The following SHROOM2 variants were observed in gnomAD, a reference collection of about 807,000 sequenced individuals.
The protein encoded by SHROOM2 is protein Shroom2.
Under a neutral mutation model 75.9 loss-of-function variants are expected in SHROOM2, and 33 were observed. The ratio of observed to expected loss-of-function variants is 0.43; its 90% CI spans 0.33 to 0.58. The LOEUF is 0.58. SHROOM2 is among the 20% of genes least tolerant of loss of function. SHROOM2 has a pLI of 0.04. For synonymous variants in SHROOM2, 655 were observed against 663.6 expected (o/e 0.99, Z 0.20); for missense variants, 1,434 against 1,461.2 (o/e 0.98, Z 0.30).
chrX:9,883,549 G>A (rs886787954), intron 2 of SHROOM2, among the ~76,000 whole-genome samples: 3 of 111,226 alleles, frequency 2.7e-5, no homozygotes, highest in Admixed American at 9.5e-5. Flanking sequence ...TGCTACAGAC[G>A]CTGCCGGCCC....
intron 2 of SHROOM2, among the ~76,000 whole-genome samples, chrX:9,875,107 A>AAAAAAAAAAAAAAAAAAC (rs2084192596): frequency 9.8e-6 from 1 of 101,612 alleles, no homozygotes; most frequent in Non-Finnish European, 2.0e-5. Context: ...AAAAAAAAAA[A>AAAAAAAAAAAAAAAAAAC]AAAGGGGAGG....
intron 1 of SHROOM2, among the ~76,000 whole-genome samples, chrX:9,810,099 T>A (rs968846203): frequency 1.8e-5 from 2 of 112,594 alleles, no homozygotes; most frequent in Non-Finnish European, 3.8e-5. Context: ...GAGGAAATAC[T>A]CATGACAATT....
chrX:9,916,447 T>A (rs2084491513), intron 5 of SHROOM2, among the ~76,000 whole-genome samples: 1 of 112,043 alleles, frequency 8.9e-6, no homozygotes, highest in South Asian at 3.7e-4. Context: ...ATACTTGTGC[T>A]CTTCCATGTT....
intron 2 of SHROOM2, among the ~76,000 whole-genome samples, chrX:9,883,040 T>C (rs1016498476): frequency 1.8e-5 from 2 of 112,080 alleles, no homozygotes; most frequent in African/African-American, 6.5e-5. Flanking sequence ...TTATAGAAAA[T>C]ACATGCAGAG....
rs57536102 is a variant in SHROOM2, at chrX:9,792,161, A to C, written c.165+5451A>C. Reference sequence around the variant, plus strand: ...GAATAGAATAGAATAGAATAGAATAATCACCAGTATCTGATACAGGGAGGG... The same window carrying C: ...GAATAGAATAGAATAGAATAGAATACTCACCAGTATCTGATACAGGGAGGG... On this transcript the variant is annotated intron_variant, in intron 1 of 9. Transcript: ENST00000380913. Among the ~76,000 whole-genome samples, 2 of 99,835 alleles carry C rather than the reference A, an allele frequency of 2.0e-5. 1 individual carries two copies. Among genetic ancestry groups the C allele is most frequent in the Admixed American group, 2.3e-4 (2 of 8,781 alleles). The allele number at this position is 99,835 out of a possible 115,157, so 86.7% of individuals were successfully genotyped here. A position where few individuals can be genotyped will look rare whatever the true frequency, so the allele number is the denominator to read the frequency against.
intron 5 of SHROOM2, among the ~76,000 whole-genome samples, chrX:9,908,625 T>G (rs949421151): frequency 9.0e-6 from 1 of 111,411 alleles, no homozygotes; most frequent in African/African-American, 3.3e-5. Context: ...TAAATGTGCT[T>G]TCTGTTTAGA....
chrX:9,792,024 T>G (rs753219064), intron 1 of SHROOM2, among the ~76,000 whole-genome samples: 16 of 341 alleles, frequency 0.047, no homozygotes, highest in East Asian at 0.12. Context: ...TAGAATAGAA[T>G]AGAATAGAAT....
At chrX:9,865,485 C>T (rs2084129991) in intron 1 of SHROOM2, 1 of 109,053 alleles carries the variant, frequency 9.2e-6, no homozygotes, top group Non-Finnish European at 1.9e-5. Flanking sequence ...CACTTCAGCC[C>T]ATTTGCCCTT....
intron 1 of SHROOM2, among the ~76,000 whole-genome samples, chrX:9,872,652 T>G (rs2084177488): frequency 8.9e-6 from 1 of 112,226 alleles, no homozygotes; most frequent in Non-Finnish European, 1.9e-5. Flanking sequence ...GAGGATACTG[T>G]GTTTAGCACT....
At chrX:9,811,685 C>T (rs968023167) in intron 1 of SHROOM2, among the ~76,000 whole-genome samples, 2 of 112,025 alleles carry the variant, frequency 1.8e-5, no homozygotes, top group African/African-American at 6.5e-5. Context: ...TTCCCTTCAC[C>T]GCTGTCCTTC....
rs1255541310 is a variant in SHROOM2, at chrX:9,896,468, G to A, written c.2560G>A (p.Ala854Thr). ...RTTSLGDSLN[A>T]HSAAEKAGTS... ...CACCTCCCTTGGGGACAGCCTCAAC[G>A]CTCACAGCGCAGCGGAGAAGGCAGG... is the stretch of plus-strand genomic sequence containing the variant. Residue 854 changes from alanine (A) to threonine (T), a missense_variant, in exon 4 of 10, where the codon GCT becomes ACT. Physicochemically the swap from Ala to Thr is moderately conservative, Grantham distance 58 (BLOSUM62 0). Transcript: ENST00000380913. The A allele has an allele frequency of 1.5e-5, 18 of 1,210,769 alleles. No individual in the cohort carries two copies. Among genetic ancestry groups the A allele is most frequent in the South Asian group, 3.5e-5 (2 of 56,838 alleles).
intron 4 of SHROOM2, among the ~76,000 whole-genome samples, 198 bp from the exon 5 acceptor site, chrX:9,897,992 G>A (rs1207950634): frequency 1.8e-5 from 2 of 112,380 alleles, no homozygotes; most frequent in Admixed American, 9.5e-5. Context: ...TGTGCCACAC[G>A]GTTTTACAGG....
At chrX:9,890,560 T>A (rs1397441465) in intron 2 of SHROOM2, among the ~76,000 whole-genome samples, 1 of 113,839 alleles carries the variant, frequency 8.8e-6, no homozygotes, top group East Asian at 2.8e-4. Context: ...CTGCACTGTT[T>A]GGCACAAGCG....
intron 1 of SHROOM2, among the ~76,000 whole-genome samples, chrX:9,828,752 C>T: frequency 9.0e-6 from 1 of 111,453 alleles, no homozygotes; most frequent in South Asian, 3.8e-4. Flanking sequence ...GTGTGAGCCA[C>T]TGTGCCCAGC....
intron 5 of SHROOM2, among the ~76,000 whole-genome samples, chrX:9,927,383 A>T (rs1384597728): frequency 9.7e-6 from 1 of 103,125 alleles, no homozygotes; most frequent in Non-Finnish European, 1.9e-5. Flanking sequence ...AAAAAAAAAA[A>T]AAAAAAGTAG....
rs189483807 is a variant in SHROOM2, at chrX:9,807,157, C to T, written c.165+20447C>T. Among the ~76,000 whole-genome samples, 579 of 112,009 alleles carry T rather than the reference C, an allele frequency of 5.2e-3. 1 individual carries two copies. Among genetic ancestry groups the T allele is most frequent in the South Asian group, 0.014 (38 of 2,675 alleles). On this transcript the variant is annotated intron_variant, in intron 1 of 9. Transcript: ENST00000380913. ...AGGAGCCTCATGAAGGTCCCTGCCT[C>T]GAGTATGTCTGAGCCTGGATGATCC...
intron 1 of SHROOM2, among the ~76,000 whole-genome samples, chrX:9,830,584 C>CTTT (rs1166769024): frequency 0.011 from 384 of 33,650 alleles, 59 homozygotes; most frequent in Non-Finnish European, 0.015. Context: ...CCCCTGGTTT[C>CTTT]TTTTTTTTTT....
Position 9,895,516 on chromosome X carries a change from C to T in SHROOM2, c.1608C>T (p.Tyr536=). 8.3e-7 allele frequency: 1 copy of T among 1,201,222 alleles called. No homozygotes were observed. The highest frequency in any genetic ancestry group is 1.1e-6 in the Non-Finnish European group (1 of 890,947). ...ATGCCCGCGAGACAGGACGGTGTTA[C>T]CCGCTGGACAAAGGGGCCGAGGGCT... ...PPDARETGRC[Y]PLDKGAEGCS... is the part of the protein sequence containing the mutation. Residue 536 remains tyrosine (Y), a synonymous_variant, in exon 4 of 10, where the codon TAC becomes TAT. Coordinates refer to ENST00000380913, the MANE Select transcript of SHROOM2 (RefSeq NM_001649.4).
intron 1 of SHROOM2, chrX:9,865,670 C>T (rs2084132285): frequency 9.7e-6 from 1 of 103,060 alleles, no homozygotes; most frequent in Non-Finnish European, 2.0e-5. Flanking sequence ...ACACTATTCT[C>T]CTGCCTCAGC....
Sources: allele counts gnomAD v4.1 joint callset (sites outside exome capture counted in the v4.1 genomes callset), GRCh38; gene constraint gnomAD v4.1.1; transcripts MANE v1.5; gene names NCBI Gene and HGNC (gene_info 2026-07-23, HGNC 2026-07-21).